The following NEBL variants were observed in gnomAD, a reference collection of about 807,000 sequenced individuals.
The protein encoded by NEBL is nebulette.
Under a neutral mutation model 140.2 loss-of-function variants are expected in NEBL, and 122 were observed. The ratio of observed to expected loss-of-function variants is 0.87; its 90% CI spans 0.75 to 1.01. The LOEUF (loss-of-function observed/expected upper bound fraction) is 1.01. Ranked by LOEUF, NEBL falls within the 50% of genes least tolerant of loss-of-function variation. The pLI, the probability that NEBL is intolerant of heterozygous loss-of-function variation, is 0.00. For missense variants in NEBL, 1,365 were observed against 1,231.3 expected, an observed-to-expected ratio of 1.11 and a Z score of -1.62; for synonymous variants, 436 against 398.9, an observed-to-expected ratio of 1.09 and a Z score of -1.11.
chr10:20,897,226 A>G lies in NEBL; in HGVS notation c.-21T>C, dbSNP rs1212714472. The G allele has an allele frequency of 6.5e-7, 1 of 1,541,924 alleles. No individual in the cohort carries two copies. Among genetic ancestry groups the G allele is most frequent in the African/African-American group, 1.4e-5 (1 of 72,570 alleles). On this transcript the variant is annotated 5_prime_UTR_variant, in exon 1 of 28. Coordinates refer to ENST00000377122, the MANE Select transcript of NEBL (RefSeq NM_006393.3). ...CTCATTTTTACCCTTTAAAATATTT[A>G]TATTTTTAAAATTTACTCATGTGGC...
chr10:21,063,735 A>T (rs1484643330), intron 2 of NEBL, among the ~76,000 whole-genome samples: 1 of 152,032 alleles, frequency 6.6e-6, no homozygotes, highest in Admixed American at 6.6e-5. Flanking sequence ...TTCTACAAAA[A>T]ATTTTCAAAA....
Position 21,227,711 on chromosome 10 carries a change from T to TTTCTTCTTCTTC in NEBL, n.348+20198_348+20209dup, listed in dbSNP as rs796306558. On this transcript the variant is annotated intron_variant and non_coding_transcript_variant, in intron 3 of 8. Coordinates refer to the NEBL transcript ENST00000675702. ...CTTCTTCTTCTTCTTCTTCTTCTTC[T>TTTCTTCTTCTTC]TTCTTCTTCTTCTTCTTCTTCTTCT... is the stretch of plus-strand genomic sequence containing the variant. Among the ~76,000 whole-genome samples, 176 of 46,436 alleles carry TTTCTTCTTCTTC rather than the reference T, an allele frequency of 3.8e-3. 9 individuals carry two copies. Among genetic ancestry groups the TTTCTTCTTCTTC allele is most frequent in the Admixed American group, 5.7e-3 (24 of 4,188 alleles). The allele number at this position is 46,436 out of a possible 152,430, so 30.5% of individuals were successfully genotyped here. A position where few individuals can be genotyped will look rare whatever the true frequency, so the allele number is the denominator to read the frequency against.
At chr10:20,888,046 C>A in intron 4 of NEBL, 51 bp downstream of exon 4, 1 of 1,265,090 alleles carries the variant, frequency 7.9e-7, no homozygotes, top group Non-Finnish European at 1.2e-6. Context: ...AGCTTTTTTC[C>A]AGTTATATGT....
chr10:21,020,276 G>T, intron 2 of NEBL: 1 of 1,309,688 alleles, frequency 7.6e-7, no homozygotes, highest in Non-Finnish European at 1.1e-6. Context: ...CCATTGTTTT[G>T]CACATCCCCC....
At chr10:20,972,473 A>C (rs1352216377) in intron 3 of NEBL, among the ~76,000 whole-genome samples, 1 of 152,122 alleles carries the variant, frequency 6.6e-6, no homozygotes, top group South Asian at 2.1e-4. Flanking sequence ...GGCCAGGTGC[A>C]GTGGCTCATG....
intron 4 of NEBL, among the ~76,000 whole-genome samples, chr10:20,931,886 A>G (rs1050144418): frequency 6.6e-6 from 1 of 152,244 alleles, no homozygotes; most frequent in Non-Finnish European, 1.5e-5. Flanking sequence ...GTAAGGAAAG[A>G]AATAATAAAG....
chr10:21,160,215 C>A (rs1294941063), intron 2 of NEBL, among the ~76,000 whole-genome samples: 3 of 152,024 alleles, frequency 2.0e-5, no homozygotes, highest in African/African-American at 4.8e-5. Flanking sequence ...ATATGCTTTT[C>A]TTTCAACGTC....
intron 3 of NEBL, among the ~76,000 whole-genome samples, chr10:21,233,838 G>C (rs868115817): frequency 4.3e-4 from 38 of 89,056 alleles, no homozygotes; most frequent in African/African-American, 1.1e-3. Context: ...CATATATATG[G>C]ATATATATTA....
chr10:21,159,998 AG>A (rs1277064660), intron 2 of NEBL, among the ~76,000 whole-genome samples: 1 of 152,132 alleles, frequency 6.6e-6, no homozygotes, highest in African/African-American at 2.4e-5. Flanking sequence ...TTCTCCTGCT[AG>A]GGAATTAATT....
At chr10:20,911,272 T>C (rs527270289) in intron 4 of NEBL, among the ~76,000 whole-genome samples, 2 of 152,320 alleles carry the variant, frequency 1.3e-5, no homozygotes, top group South Asian at 4.1e-4. Flanking sequence ...AAGTAAATTC[T>C]ATCAGGATCC....
intron 5 of NEBL, among the ~76,000 whole-genome samples, chr10:20,870,124 C>T (rs1844769873): frequency 6.6e-6 from 1 of 151,646 alleles, no homozygotes. Context: ...GTCAGGAGTT[C>T]GAGACCAGCC....
intron 3 of NEBL, among the ~76,000 whole-genome samples, chr10:21,246,338 A>T (rs1842516513): frequency 6.6e-6 from 1 of 152,238 alleles, no homozygotes; most frequent in Non-Finnish European, 1.5e-5. Context: ...TCGCCATATA[A>T]CCCAGTAATC....
At chr10:21,183,786 A>G (rs566925966) in intron 3 of NEBL, among the ~76,000 whole-genome samples, 1 of 152,106 alleles carries the variant, frequency 6.6e-6, no homozygotes, top group Non-Finnish European at 1.5e-5. Context: ...CTCATCTTGA[A>G]TCATAGCTCC....
chr10:20,943,552 C>T (rs1835006142), intron 4 of NEBL, among the ~76,000 whole-genome samples: 1 of 151,946 alleles, frequency 6.6e-6, no homozygotes, highest in Non-Finnish European at 1.5e-5. Flanking sequence ...AACTAACCTG[C>T]ATGTTGTGCA....
chr10:20,804,262 G>A (rs889093153), intron 26 of NEBL: 1 of 152,186 alleles, frequency 6.6e-6, no homozygotes, highest in Non-Finnish European at 1.5e-5. Flanking sequence ...AGTAGTTAGA[G>A]AGGGTACCAT....
At chr10:21,114,274 TG>T (rs1838178256) in intron 2 of NEBL, among the ~76,000 whole-genome samples, 1 of 152,104 alleles carries the variant, frequency 6.6e-6, no homozygotes, top group South Asian at 2.1e-4. Context: ...AATCCCACTG[TG>T]GTCAGAAAAC....
chr10:21,099,981 TA>T (rs1280135728), intron 2 of NEBL, among the ~76,000 whole-genome samples: 1 of 152,040 alleles, frequency 6.6e-6, no homozygotes, highest in Non-Finnish European at 1.5e-5. Flanking sequence ...TAAAATAAAA[TA>T]AAAACAAGAA....
chr10:20,948,782 A>G (rs1029403949), intron 4 of NEBL, among the ~76,000 whole-genome samples: 1 of 152,226 alleles, frequency 6.6e-6, no homozygotes, highest in African/African-American at 2.4e-5. Context: ...ACACTGATTC[A>G]GCTATTTAAT....
chr10:21,234,280 A>G (rs564145207), intron 3 of NEBL, among the ~76,000 whole-genome samples: 1 of 151,984 alleles, frequency 6.6e-6, no homozygotes, highest in Admixed American at 6.6e-5. Context: ...GGTGGGAGGA[A>G]TTTGGATCAT....
Sources: gnomAD v4.1 joint callset for allele counts (sites outside exome capture counted in the v4.1 genomes callset) on GRCh38, gnomAD v4.1.1 for gene constraint, MANE v1.5 for transcripts, NCBI Gene and HGNC (gene_info 2026-07-23, HGNC 2026-07-21) for gene names.